Variants in ITGA8 observed in about 807,000 individuals in gnomAD.
The protein encoded by ITGA8 is integrin alpha-8.
ITGA8 carries 91 observed loss-of-function variants against 142.3 expected under a neutral mutation model. The ratio of observed to expected loss-of-function variants is 0.64; its 90% CI spans 0.54 to 0.76. ITGA8 has a LOEUF of 0.76. ITGA8 is among the 30% of genes least tolerant of loss of function. The pLI, the probability that ITGA8 is intolerant of heterozygous loss-of-function variation, is 0.00. For missense variants in ITGA8, 1,406 were observed against 1,327.7 expected, an observed-to-expected ratio of 1.06 and a Z score of -0.92; for synonymous variants, 505 against 485.2, an observed-to-expected ratio of 1.04 and a Z score of -0.54.
intron 27 of ITGA8, among the ~76,000 whole-genome samples, chr10:15,539,933 T>C (rs547204256): frequency 1.4e-4 from 22 of 152,240 alleles, no homozygotes; most frequent in Admixed American, 3.9e-4. Flanking sequence ...TTGTTGTAAG[T>C]CTCATGAGAT....
intron 26 of ITGA8, among the ~76,000 whole-genome samples, chr10:15,554,885 C>T (rs1475797021): frequency 6.6e-6 from 1 of 151,826 alleles, no homozygotes; most frequent in Non-Finnish European, 1.5e-5. Flanking sequence ...TTTTGCAAGG[C>T]AGAGAGGGAG....
At chr10:15,634,531 G>A (rs891946787) in intron 13 of ITGA8, among the ~76,000 whole-genome samples, 1 of 151,974 alleles carries the variant, frequency 6.6e-6, no homozygotes, top group Non-Finnish European at 1.5e-5. Context: ...GATTTAATTC[G>A]GGCCCGTGAG....
At chr10:15,694,347 TATATC>T (rs1411910646) in intron 2 of ITGA8, among the ~76,000 whole-genome samples, 21 of 121,566 alleles carry the variant, frequency 1.7e-4, no homozygotes, top group African/African-American at 6.4e-4. Flanking sequence ...TATCAGATAA[TATATC>T]ATATATCAGA....
At chr10:15,613,592 T>A (rs1416232444) in intron 15 of ITGA8, 68 bp downstream of exon 15, 1 of 1,125,336 alleles carries the variant, frequency 8.9e-7, no homozygotes. Flanking sequence ...TCCAAATCTG[T>A]ATTTTTCACA....
chr10:15,567,261 T>C (rs567729240), intron 25 of ITGA8, among the ~76,000 whole-genome samples: 41 of 152,296 alleles, frequency 2.7e-4, no homozygotes, highest in African/African-American at 9.6e-4. Flanking sequence ...TATCTAAAGA[T>C]AACAGTCTGT....
chr10:15,521,286 A>T (rs1214036363), intron 28 of ITGA8, among the ~76,000 whole-genome samples: 1 of 152,064 alleles, frequency 6.6e-6, no homozygotes, highest in Non-Finnish European at 1.5e-5. Context: ...GGCCTCCCAA[A>T]ATGCTGGGAT....
chr10:15,586,659 T>A lies in ITGA8; in HGVS notation c.2297A>T (p.Asn766Ile). ...INFDLQIRSS[N>I]KDNPDSNFVS... ...AAAATTGCTGTCTGGATTGTCCTTG[T>A]TGGAACTAAAACACAAGGACATGTG... Residue 766 changes from asparagine to isoleucine, a missense_variant, in exon 23 of 30, where the codon AAC (asparagine) becomes ATC (isoleucine). By Grantham distance (149) the Asn-to-Ile change is moderately radical (BLOSUM62 -3). Coordinates refer to ENST00000378076, the MANE Select transcript of ITGA8 (RefSeq NM_003638.3). The A allele has an allele frequency of 1.2e-6, 2 of 1,603,380 alleles. No individual in the cohort carries two copies. The highest frequency in any genetic ancestry group is 1.7e-6 in the Non-Finnish European group (2 of 1,170,374).
Position 15,604,341 on chromosome 10 carries a change from A to T in ITGA8, c.1985T>A (p.Val662Glu). The T allele has an allele frequency of 6.2e-7, 1 of 1,610,030 alleles. No homozygotes were observed. Residue 662 changes from valine to glutamate, a missense_variant, in exon 20 of 30, where the codon GTA (valine) becomes GAA (glutamate). Coordinates refer to ENST00000378076, the MANE Select transcript of ITGA8 (RefSeq NM_003638.3). ...AAGGTGATTTTCATCTCCAATGATTACCTGATGCTTATCTCTAAAAATGCA... is the reference window on the plus strand; with the variant it reads ...AAGGTGATTTTCATCTCCAATGATTTCCTGATGCTTATCTCTAAAAATGCA... Reference protein sequence around the residue: ...KLSARPDKHQVIIGDENHLML... With the variant: ...KLSARPDKHQEIIGDENHLML...
intron 26 of ITGA8, among the ~76,000 whole-genome samples, chr10:15,554,345 G>C (rs1321079686): frequency 6.6e-6 from 1 of 152,150 alleles, no homozygotes; most frequent in African/African-American, 2.4e-5. Context: ...GCCTATGGGG[G>C]GAGGGGCTGT....
chr10:15,702,331 C>T (rs1467067790), intron 2 of ITGA8, among the ~76,000 whole-genome samples: 2 of 151,508 alleles, frequency 1.3e-5, no homozygotes, highest in Non-Finnish European at 2.9e-5. Flanking sequence ...ATTCTTATCG[C>T]CCAGGCTAGA....
chr10:15,577,277 C>G (rs1834316478), intron 23 of ITGA8, among the ~76,000 whole-genome samples: 1 of 152,092 alleles, frequency 6.6e-6, no homozygotes, highest in African/African-American at 2.4e-5. Flanking sequence ...ATCATAGAAT[C>G]ATATGTATTT....
Position 15,647,015 on chromosome 10 carries a change from C to T in ITGA8, c.1038G>A (p.Met346Ile). 6.2e-7 allele frequency: 1 copy of T among 1,613,784 alleles called. No individual in the cohort carries two copies. The highest frequency in any genetic ancestry group is 1.1e-5 in the South Asian group (1 of 91,060). Residue 346 changes from methionine (M) to isoleucine (I), a missense_variant, in exon 12 of 30, where the codon ATG (methionine) becomes ATA (isoleucine). Physicochemically the swap from Met to Ile is conservative, Grantham distance 10. Transcript: ENST00000378076. Reference protein sequence around the residue: ...DDVLVGAPLFMEREFESNPRE... With the variant: ...DDVLVGAPLFIEREFESNPRE... ...TGGGGTTGCTCTCAAATTCACGTTC[C>T]ATAAAGAGAGGTGCCCCAACCAGGA...
intron 26 of ITGA8, among the ~76,000 whole-genome samples, chr10:15,551,509 G>T (rs1833792683): frequency 6.6e-6 from 1 of 152,102 alleles, no homozygotes; most frequent in Non-Finnish European, 1.5e-5. Context: ...ACAGAAGACA[G>T]GAAAGTTTGG....
At chr10:15,676,596 G>T (rs1834635348) in intron 6 of ITGA8, among the ~76,000 whole-genome samples, 1 of 152,162 alleles carries the variant, frequency 6.6e-6, no homozygotes, top group Non-Finnish European at 1.5e-5. Flanking sequence ...TAAGAACAAT[G>T]TCTGTTTTTA....
chr10:15,646,411 A>C (rs1444107926), intron 12 of ITGA8, among the ~76,000 whole-genome samples: 1 of 152,206 alleles, frequency 6.6e-6, no homozygotes, highest in Non-Finnish European at 1.5e-5. Flanking sequence ...AGAGGTTTTC[A>C]AAATGTAGTA....
intron 11 of ITGA8, among the ~76,000 whole-genome samples, chr10:15,649,251 TATATC>T (rs1215659652): frequency 2.6e-5 from 4 of 151,952 alleles, no homozygotes; most frequent in South Asian, 4.1e-4. Context: ...AACAATAACA[TATATC>T]ATTATTATAT....
At chr10:15,669,381 AG>A (rs1453291541) in intron 8 of ITGA8, among the ~76,000 whole-genome samples, 1 of 152,184 alleles carries the variant, frequency 6.6e-6, no homozygotes, top group Admixed American at 6.5e-5. Flanking sequence ...AGGTCCTTTA[AG>A]GACTTTTCTT....
chr10:15,555,812 CA>C (rs200801600), intron 26 of ITGA8, among the ~76,000 whole-genome samples: 4,322 of 151,678 alleles, frequency 0.028, 230 homozygotes, highest in African/African-American at 0.099. Flanking sequence ...TCTCCTGCCT[CA>C]GCCTCCCGAG....
chr10:15,648,416 T>C (rs1422297022), intron 11 of ITGA8, among the ~76,000 whole-genome samples: 1 of 150,466 alleles, frequency 6.6e-6, no homozygotes, highest in Non-Finnish European at 1.5e-5. Flanking sequence ...ATGAATGATA[T>C]ATAATAATGT....
Sources: gnomAD v4.1 joint callset for allele counts (sites outside exome capture counted in the v4.1 genomes callset) on GRCh38, gnomAD v4.1.1 for gene constraint, MANE v1.5 for transcripts, NCBI Gene and HGNC (gene_info 2026-07-23, HGNC 2026-07-21) for gene names.